DCST1: variants seen among roughly 807,000 people sequenced by gnomAD.
DCST1 encodes DC-STAMP domain containing 1.
A neutral mutation model predicts 89.1 loss-of-function variants in DCST1; 78 were observed. That is an observed-to-expected ratio of 0.88 (90% CI 0.73 to 1.06). The LOEUF (loss-of-function observed/expected upper bound fraction) is 1.06. DCST1 is among the 50% of genes least tolerant of loss of function. DCST1 has a pLI of 0.00. For synonymous variants in DCST1, 364 were observed against 371.9 expected (o/e 0.98, Z 0.24); for missense variants, 900 against 928.6 (o/e 0.97, Z 0.40).
In DCST1 at chr1:155,034,637, G is replaced by C. The variant is rs1412396205; in HGVS notation, c.188-16G>C. On this transcript the variant is annotated splice_polypyrimidine_tract_variant and intron_variant, in intron 3 of 16. Coordinates refer to ENST00000295542, the MANE Select transcript of DCST1 (RefSeq NM_152494.4). Reference sequence around the variant, plus strand: ...GGACCCATCTTTTGGCCTTTGGCTTGACCTTGTGCCCTTAGGTCTCTTTCA... The same window carrying C: ...GGACCCATCTTTTGGCCTTTGGCTTCACCTTGTGCCCTTAGGTCTCTTTCA... 1 of 1,614,052 alleles carries C rather than the reference G, an allele frequency of 6.2e-7. No homozygotes were observed. Among genetic ancestry groups the C allele is most frequent in the African/African-American group, 1.3e-5 (1 of 74,900 alleles).
chr1:155,046,798 G>A (rs1660655512), intron 13 of DCST1, among the ~76,000 whole-genome samples: 1 of 151,974 alleles, frequency 6.6e-6, no homozygotes, highest in Non-Finnish European at 1.5e-5. Flanking sequence ...TAGAGACAGA[G>A]TTTCACCATG....
At chr1:155,034,228 C>T (rs572961922) in intron 2 of DCST1, 131 bp downstream of exon 2, 8 of 1,524,326 alleles carry the variant, frequency 5.2e-6, no homozygotes, top group African/African-American at 4.1e-5. Flanking sequence ...TAGTGCCTCC[C>T]GCCTCCCAGC....
chr1:155,048,919 T>C lies in DCST1; in HGVS notation c.1869+749T>C, dbSNP rs1365525035. On this transcript the variant is annotated intron_variant, in intron 16 of 16. Coordinates refer to ENST00000295542, the MANE Select transcript of DCST1 (RefSeq NM_152494.4). The stretch of plus-strand genomic sequence containing the variant: ...CAGGAAGGCCTCATGCAGGGGCACA[T>C]GGTAAGGCACATGGAATCTGAGGAA... 8.9e-6 allele frequency: 6 copies of C among 675,030 alleles called. No individual in the cohort carries two copies. The East Asian group carries it at 1.4e-4, about 15-fold the overall frequency. 41.8% of individuals were successfully genotyped at this position (675,030 alleles called of 1,614,324 possible).
chr1:155,050,345 G>C (rs1004408830), intron 16 of DCST1, among the ~76,000 whole-genome samples: 1 of 152,252 alleles, frequency 6.6e-6, no homozygotes, highest in African/African-American at 2.4e-5. Context: ...GCCTCACTGT[G>C]AGAACCAAAT....
rs1350853205 is a variant in DCST1 at position 155,050,832 on chromosome 1, T to C, written c.2085T>C (p.Phe695=). Residue 695 remains phenylalanine, a synonymous_variant, in exon 17 of 17, where the codon TTT becomes TTC. Transcript: ENST00000295542. The part of the protein sequence containing the change: ...TPREELSSSA[F]SDSNDDTAYA... ...GCGAAGAGCTCTCTTCCTCCGCCTT[T>C]AGTGACAGCAACGACGACACTGCCT... The C allele has an allele frequency of 6.2e-7, 1 of 1,612,904 alleles. No individual in the cohort carries two copies. The highest frequency in any genetic ancestry group is 8.5e-7 in the Non-Finnish European group (1 of 1,179,462).
At chr1:155,040,085 G>A (rs892401397) in intron 5 of DCST1, among the ~76,000 whole-genome samples, 8 of 141,680 alleles carry the variant, frequency 5.6e-5, no homozygotes, top group East Asian at 2.2e-4. Context: ...GGCGGATCAC[G>A]AAGTCAGGAG....
At chr1:155,047,979 C>G in intron 15 of DCST1, 50 bp downstream of exon 15, 1 of 1,613,486 alleles carries the variant, frequency 6.2e-7, no homozygotes, top group Non-Finnish European at 8.5e-7. Context: ...CACACACACA[C>G]ACACACCACC....
At chr1:155,043,202 T>G (rs1571564253) in intron 9 of DCST1, 150 bp from the exon 10 acceptor site, 1 of 1,085,778 alleles carries the variant, frequency 9.2e-7, no homozygotes, top group Admixed American at 2.3e-5. Flanking sequence ...TCCAGGAGGG[T>G]GGTGAGCAGA....
At chr1:155,049,178 A>G in intron 16 of DCST1, 1 of 664,126 alleles carries the variant, frequency 1.5e-6, no homozygotes, top group South Asian at 1.7e-5. Flanking sequence ...TGAGCACATG[A>G]CTTAACTGCT....
rs1218550102 is a variant in DCST1 at position 155,033,976 on chromosome 1, T to C, written c.-61T>C. 1.9e-6 allele frequency: 3 copies of C among 1,600,916 alleles called. No homozygotes were observed. Among genetic ancestry groups the C allele is most frequent in the Admixed American group, 3.3e-5 (2 of 59,758 alleles). The stretch of plus-strand genomic sequence containing the variant: ...GCACCTCTCTTCTCTCACCAGAACC[T>C]TGTGTCCAAGGAGGTCCTTCAGGAG... On this transcript the variant is annotated 5_prime_UTR_variant, in exon 2 of 17. Coordinates refer to ENST00000295542, the MANE Select transcript of DCST1 (RefSeq NM_152494.4).
chr1:155,039,392 T>C lies in DCST1; in HGVS notation c.263-11T>C. 6.5e-7 allele frequency: 1 copy of C among 1,549,434 alleles called. No homozygotes were observed. Among genetic ancestry groups the C allele is most frequent in the South Asian group, 1.2e-5 (1 of 81,956 alleles). On this transcript the variant is annotated splice_polypyrimidine_tract_variant and intron_variant, in intron 4 of 16. Transcript: ENST00000295542. ...CACTTCAGCTCACCACCTCCTGGGC[T>C]CTCCTGACAGGCTTGGGGGCCATGG...
intron 14 of DCST1, 109 bp from the exon 15 acceptor site, chr1:155,047,678 A>G: frequency 1.0e-6 from 1 of 963,332 alleles, no homozygotes; most frequent in Non-Finnish European, 1.6e-6. Context: ...GCAGGAGGAG[A>G]GCAGGGGAAT....
At chr1:155,046,026 G>A (rs918141621) in intron 11 of DCST1, 34 bp downstream of exon 11, 3 of 1,612,944 alleles carry the variant, frequency 1.9e-6, no homozygotes, top group Non-Finnish European at 2.5e-6. Flanking sequence ...GGGATGCCTT[G>A]CTGCTGTGTG....
At chr1:155,044,796 G>A (rs1486083502) in intron 10 of DCST1, among the ~76,000 whole-genome samples, 3 of 152,232 alleles carry the variant, frequency 2.0e-5, no homozygotes, top group Non-Finnish European at 2.9e-5. Context: ...TGGAACTGGC[G>A]GTGGTGGCAA....
rs1321722455 is a variant in DCST1, at chr1:155,050,602, C to T, written c.1870-15C>T. 3.8e-6 allele frequency: 6 copies of T among 1,563,874 alleles called. No homozygotes were observed. Among genetic ancestry groups the T allele is most frequent in the Non-Finnish European group, 5.2e-6 (6 of 1,157,816 alleles). ...CCTCGCTCCCGGGCTGGCGCTAACG[C>T]CCACCTCCCAACAGCGCCACCCGCT... On this transcript the variant is annotated splice_polypyrimidine_tract_variant and intron_variant, in intron 16 of 16. Transcript: ENST00000295542.
At chr1:155,049,799 A>G (rs1571575392) in intron 16 of DCST1, among the ~76,000 whole-genome samples, 2 of 152,238 alleles carry the variant, frequency 1.3e-5, no homozygotes, top group South Asian at 4.1e-4. Context: ...AACAAAAAAC[A>G]AAAAAGAACA....
chr1:155,042,977 G>C, intron 9 of DCST1, 121 bp downstream of exon 9: 1 of 1,319,316 alleles, frequency 7.6e-7, no homozygotes, highest in Non-Finnish European at 1.0e-6. Flanking sequence ...AGGGGTGAGG[G>C]AGGGGGACAA....
In DCST1 at chr1:155,034,583, C is replaced by T. The variant is rs200613020; in HGVS notation, c.187+23C>T. On this transcript the variant is annotated intron_variant, in intron 3 of 16. Coordinates refer to ENST00000295542, the MANE Select transcript of DCST1 (RefSeq NM_152494.4). ...TAGGTGAGTGTGGAAGCAGAAAGTT[C>T]GGGGTGGGCAGAGGCTGGACCAGGG... is the stretch of plus-strand genomic sequence containing the variant. 6.4e-5 allele frequency: 104 copies of T among 1,613,872 alleles called. No individual in the cohort carries two copies. The African/African-American group carries it at 1.1e-3, about 18-fold the overall frequency.
intron 10 of DCST1, among the ~76,000 whole-genome samples, chr1:155,044,624 A>T (rs1036724880): frequency 1.3e-5 from 2 of 152,210 alleles, no homozygotes; most frequent in Non-Finnish European, 2.9e-5. Flanking sequence ...GAAGGGCAAT[A>T]ACTGGGCTCC....
Sources: allele counts gnomAD v4.1 joint callset (sites outside exome capture counted in the v4.1 genomes callset), GRCh38; gene constraint gnomAD v4.1.1; transcripts MANE v1.5; gene names NCBI Gene and HGNC (gene_info 2026-07-23, HGNC 2026-07-21).